The following CAMK2D variants were observed in gnomAD, a reference collection of about 807,000 sequenced individuals.
The protein encoded by CAMK2D is calcium/calmodulin dependent protein kinase II delta.
CAMK2D carries 37 observed loss-of-function variants against 84.0 expected under a neutral mutation model. The ratio of observed to expected loss-of-function variants is 0.44; its 90% CI spans 0.34 to 0.58. The LOEUF is 0.58. Ranked by LOEUF, CAMK2D falls within the 20% of genes least tolerant of loss-of-function variation. The pLI is 0.02. For synonymous variants in CAMK2D, 202 were observed against 212.5 expected (o/e 0.95, Z 0.43); for missense variants, 448 against 652.5 (o/e 0.69, Z 3.41).
chr4:113,632,705 T>C (rs2099094993), intron 3 of CAMK2D, among the ~76,000 whole-genome samples: 1 of 152,170 alleles, frequency 6.6e-6, no homozygotes, highest in African/African-American at 2.4e-5. Context: ...GTCATACTAT[T>C]ATACATAATG....
At chr4:113,733,259 C>T (rs1472579964) in intron 2 of CAMK2D, among the ~76,000 whole-genome samples, 1 of 152,188 alleles carries the variant, frequency 6.6e-6, no homozygotes, top group Non-Finnish European at 1.5e-5. Flanking sequence ...GAATACTTTC[C>T]TATGTTCCTG....
intron 3 of CAMK2D, among the ~76,000 whole-genome samples, chr4:113,650,089 C>G (rs1199105307): frequency 6.6e-6 from 1 of 151,850 alleles, no homozygotes; most frequent in Non-Finnish European, 1.5e-5. Flanking sequence ...TCAACTCAAA[C>G]AAAGAAATAG....
intron 6 of CAMK2D, among the ~76,000 whole-genome samples, chr4:113,542,115 C>T (rs1186036380): frequency 6.6e-6 from 1 of 152,172 alleles, no homozygotes; most frequent in African/African-American, 2.4e-5. Context: ...TATCAGCACA[C>T]ACTGCTGGGT....
chr4:113,655,500 A>T (rs772276341), intron 3 of CAMK2D, among the ~76,000 whole-genome samples: 1 of 152,100 alleles, frequency 6.6e-6, no homozygotes, highest in Non-Finnish European at 1.5e-5. Context: ...GCTGAAGTTC[A>T]TTAAGCCATA....
intron 4 of CAMK2D, among the ~76,000 whole-genome samples, chr4:113,594,200 G>A (rs2098911595): frequency 6.6e-6 from 1 of 152,102 alleles, no homozygotes; most frequent in Non-Finnish European, 1.5e-5. Flanking sequence ...TTATCACGAG[G>A]ACAGTACCAA....
intron 6 of CAMK2D, among the ~76,000 whole-genome samples, chr4:113,545,471 G>A (rs2098558769): frequency 6.6e-6 from 1 of 152,096 alleles, no homozygotes; most frequent in African/African-American, 2.4e-5. Flanking sequence ...TTAAGGCCTG[G>A]TAATAAAAAA....
intron 2 of CAMK2D, among the ~76,000 whole-genome samples, chr4:113,688,910 C>CAAAAAAAAAAAAAAAAAAAAAAAAAGAAA (rs34196728): frequency 2.0e-5 from 1 of 49,716 alleles, no homozygotes; most frequent in Non-Finnish European, 3.7e-5. Context: ...AAAGAAGATG[C>CAAAAAAAAAAAAAAAAAAAAAAAAAGAAA]AAAAAAAAAA....
At chr4:113,504,009 T>C (rs2098092654) in intron 14 of CAMK2D, among the ~76,000 whole-genome samples, 1 of 152,200 alleles carries the variant, frequency 6.6e-6, no homozygotes, top group Non-Finnish European at 1.5e-5. Context: ...TGGCTACAGC[T>C]GTGATCAACA....
rs376001756 is a variant in CAMK2D at position 113,731,703 on chromosome 4, A to G, written c.160+27617T>C. On this transcript the variant is annotated intron_variant, in intron 2 of 20. Coordinates refer to ENST00000511664, the MANE Select transcript of CAMK2D (RefSeq NM_001321571.2). ...CGGGTTCGAGTGATTCCCCTGCCTC[A>G]GCCTCCTGAGTAGGTGGGACTACAG... is the stretch of plus-strand genomic sequence containing the variant. Among the ~76,000 whole-genome samples the G allele has an allele frequency of 4.8e-3, 720 of 150,274 alleles. 5 individuals are homozygous for G. The highest frequency in any genetic ancestry group is 0.016 in the African/African-American group (671 of 40,750).
chr4:113,736,996 T>C (rs1040498335), intron 2 of CAMK2D, among the ~76,000 whole-genome samples: 1 of 152,186 alleles, frequency 6.6e-6, no homozygotes, highest in Non-Finnish European at 1.5e-5. Context: ...CTCCAACATC[T>C]CTATTTATGT....
At chr4:113,658,078 C>T (rs2099210260) in intron 3 of CAMK2D, among the ~76,000 whole-genome samples, 1 of 152,156 alleles carries the variant, frequency 6.6e-6, no homozygotes, top group South Asian at 2.1e-4. Context: ...ACAGGAACTG[C>T]AGTACTTTCC....
At chr4:113,563,600 T>C (rs2098708866) in intron 4 of CAMK2D, among the ~76,000 whole-genome samples, 1 of 152,212 alleles carries the variant, frequency 6.6e-6, no homozygotes, top group Admixed American at 6.5e-5. Context: ...AGTGGTTCAA[T>C]GGGTAGTTTG....
intron 8 of CAMK2D, among the ~76,000 whole-genome samples, chr4:113,527,471 A>AGT (rs1368947823): frequency 6.6e-6 from 1 of 152,120 alleles, no homozygotes; most frequent in African/African-American, 2.4e-5. Flanking sequence ...AATAGACTAT[A>AGT]GTACACTGTA....
intron 2 of CAMK2D, among the ~76,000 whole-genome samples, chr4:113,706,384 G>C (rs1019789220): frequency 6.6e-6 from 1 of 152,112 alleles, no homozygotes; most frequent in Non-Finnish European, 1.5e-5. Context: ...GTGAAAATAG[G>C]ACATTCCCTA....
intron 3 of CAMK2D, among the ~76,000 whole-genome samples, chr4:113,621,367 C>A (rs528156222): frequency 6.6e-6 from 1 of 152,168 alleles, no homozygotes; most frequent in East Asian, 1.9e-4. Flanking sequence ...AATAAAAACA[C>A]CCATATGACA....
intron 5 of CAMK2D, chr4:113,548,881 A>G (rs1591066093): frequency 1.8e-6 from 1 of 550,070 alleles, no homozygotes. Flanking sequence ...GGAATCAAAT[A>G]AAGCTGAATA....
chr4:113,508,235 C>CCAT (rs1274588372), intron 13 of CAMK2D: 1 of 1,547,702 alleles, frequency 6.5e-7, no homozygotes, highest in Non-Finnish European at 8.8e-7. Context: ...TAGATCCTCA[C>CCAT]CATCATCTGA....
At chr4:113,492,145 G>T (rs1000020241) in intron 16 of CAMK2D, among the ~76,000 whole-genome samples, 19 of 151,840 alleles carry the variant, frequency 1.3e-4, no homozygotes, top group East Asian at 1.9e-4. Flanking sequence ...ATTTCCTTCA[G>T]TTCTGCTCTG....
At chr4:113,465,089 G>A (rs1465565220) in intron 17 of CAMK2D, among the ~76,000 whole-genome samples, 9 of 152,164 alleles carry the variant, frequency 5.9e-5, no homozygotes, top group Non-Finnish European at 2.9e-5. Context: ...CTGGAGTGCA[G>A]TGATGTGACC....
Sources: allele counts gnomAD v4.1 joint callset (sites outside exome capture counted in the v4.1 genomes callset), GRCh38; gene constraint gnomAD v4.1.1; transcripts MANE v1.5; gene names NCBI Gene and HGNC (gene_info 2026-07-23, HGNC 2026-07-21).